FMN2: variants seen among roughly 807,000 people sequenced by gnomAD.
FMN2 encodes formin 2.
Under a neutral mutation model 142.3 loss-of-function variants are expected in FMN2, and 51 were observed. The ratio of observed to expected loss-of-function variants is 0.36; its 90% CI spans 0.29 to 0.45. The LOEUF (loss-of-function observed/expected upper bound fraction) is 0.45, where lower values mean the gene tolerates loss of function less well. Ranked by LOEUF, FMN2 falls within the 20% of genes least tolerant of loss-of-function variation. FMN2 has a pLI of 1.00. For missense variants in FMN2, 1,936 were observed against 2,122.8 expected, an observed-to-expected ratio of 0.91 and a Z score of 1.73; for synonymous variants, 882 against 869.8, an observed-to-expected ratio of 1.01 and a Z score of -0.25.
intron 6 of FMN2, among the ~76,000 whole-genome samples, chr1:240,242,873 C>G (rs955261413): frequency 6.6e-6 from 1 of 152,208 alleles, no homozygotes; most frequent in East Asian, 1.9e-4. Context: ...AATTAGCAAA[C>G]TGTAATTCTG....
intron 2 of FMN2, among the ~76,000 whole-genome samples, chr1:240,160,262 GCTA>G (rs1664225237): frequency 1.3e-5 from 2 of 150,734 alleles, no homozygotes; most frequent in Admixed American, 1.3e-4. Flanking sequence ...GAAAACTATA[GCTA>G]CTATCCCTGA....
intron 2 of FMN2, among the ~76,000 whole-genome samples, chr1:240,166,549 T>C (rs1041499372): frequency 6.6e-6 from 1 of 152,148 alleles, no homozygotes; most frequent in African/African-American, 2.4e-5. Context: ...ATATTTACAA[T>C]ATAAATTTAT....
intron 7 of FMN2, among the ~76,000 whole-genome samples, chr1:240,286,664 A>G (rs756058194): frequency 3.9e-5 from 6 of 152,148 alleles, no homozygotes; most frequent in Non-Finnish European, 7.3e-5. Flanking sequence ...GTGAAACTTC[A>G]GGAGAGAACA....
intron 7 of FMN2, among the ~76,000 whole-genome samples, chr1:240,284,089 TG>T (rs1398839015): frequency 1.3e-5 from 2 of 152,162 alleles, no homozygotes. Context: ...TTAAAAATTT[TG>T]GGCCCTAACA....
chr1:240,153,253 A>T (rs1399233509), intron 2 of FMN2, among the ~76,000 whole-genome samples: 1 of 152,096 alleles, frequency 6.6e-6, no homozygotes, highest in Non-Finnish European at 1.5e-5. Context: ...GGCTGAGTAG[A>T]TGCTAGAGCC....
At chr1:240,227,016 A>G (rs962409719) in intron 6 of FMN2, among the ~76,000 whole-genome samples, 1 of 152,234 alleles carries the variant, frequency 6.6e-6, no homozygotes, top group Non-Finnish European at 1.5e-5. Context: ...GGCAAGGGAA[A>G]GAAATAAATG....
At chr1:240,431,575 C>A (rs1170179220) in intron 15 of FMN2, among the ~76,000 whole-genome samples, 3 of 151,276 alleles carry the variant, frequency 2.0e-5, no homozygotes, top group Non-Finnish European at 4.4e-5. Context: ...ATATCAAATA[C>A]CATTGCGTAT....
At chr1:240,260,676 G>A (rs1302574512) in intron 7 of FMN2, among the ~76,000 whole-genome samples, 1 of 152,200 alleles carries the variant, frequency 6.6e-6, no homozygotes, top group East Asian at 1.9e-4. Flanking sequence ...TGTATAGATT[G>A]TGAAGACTTT....
At chr1:240,323,392 C>T (rs915853623) in intron 8 of FMN2, among the ~76,000 whole-genome samples, 3 of 152,080 alleles carry the variant, frequency 2.0e-5, no homozygotes, top group Non-Finnish European at 2.9e-5. Context: ...GACAGGGTTT[C>T]GCCATGTTGG....
intron 14 of FMN2, among the ~76,000 whole-genome samples, chr1:240,387,327 A>G (rs1361336294): frequency 6.6e-6 from 1 of 152,230 alleles, no homozygotes; most frequent in African/African-American, 2.4e-5. Flanking sequence ...TACCCACAGT[A>G]TGTTTGGAAT....
At chr1:240,344,043 A>G (rs1671825312) in intron 13 of FMN2, among the ~76,000 whole-genome samples, 3 of 152,216 alleles carry the variant, frequency 2.0e-5, no homozygotes, top group Admixed American at 1.3e-4. Context: ...ATACTTTATA[A>G]GGAATTTTCA....
At chr1:240,150,355 A>G (rs1428573430) in intron 2 of FMN2, among the ~76,000 whole-genome samples, 3 of 138,792 alleles carry the variant, frequency 2.2e-5, no homozygotes, top group African/African-American at 7.5e-5. Flanking sequence ...CAGAAGGAAA[A>G]TGATTATTGA....
At chr1:240,112,322 G>A (rs910827850) in intron 1 of FMN2, among the ~76,000 whole-genome samples, 1 of 152,030 alleles carries the variant, frequency 6.6e-6, no homozygotes, top group East Asian at 1.9e-4. Flanking sequence ...AGTAGAGACC[G>A]GGTTTCACCC....
At chr1:240,134,038 A>G (rs908692851) in intron 2 of FMN2, among the ~76,000 whole-genome samples, 1 of 152,224 alleles carries the variant, frequency 6.6e-6, no homozygotes, top group Non-Finnish European at 1.5e-5. Flanking sequence ...TTCATGTCTA[A>G]TAATCTCTGG....
chr1:240,455,358 A>G lies in FMN2; in HGVS notation c.5061-17014A>G, dbSNP rs562849045. 2.6e-5 allele frequency among the ~76,000 whole-genome samples: 4 copies of G among 152,270 alleles called. No homozygotes were observed. The East Asian group carries it at 7.7e-4, about 29-fold the overall frequency. On this transcript the variant is annotated intron_variant, in intron 16 of 17. Transcript: ENST00000319653. ...CAAGATCCCCATCTCTACAAAAAAT[A>G]AAATAAAAAGTTAGCTGGGTGTGGT...
chr1:240,216,855 AG>A, intron 6 of FMN2, among the ~76,000 whole-genome samples: 1 of 152,268 alleles, frequency 6.6e-6, no homozygotes, highest in Non-Finnish European at 1.5e-5. Context: ...AGGCTGAGGC[AG>A]GAGAATTGCT....
intron 2 of FMN2, among the ~76,000 whole-genome samples, chr1:240,171,940 A>G (rs973156551): frequency 2.0e-5 from 3 of 152,218 alleles, no homozygotes; most frequent in African/African-American, 7.2e-5. Flanking sequence ...GCAAAAGCCA[A>G]AACAGATCTG....
chr1:240,147,659 T>C lies in FMN2; in HGVS notation c.1782+24314T>C, dbSNP rs146975685. Among the ~76,000 whole-genome samples the C allele has an allele frequency of 2.0e-5, 3 of 152,228 alleles. No individual in the cohort carries two copies. In the East Asian group the frequency reaches 5.8e-4, roughly 29 times the overall value. ...AGGTGTGAGCCATTGCACCTGGCCT[T>C]GATTTTTAAAAACCAAGTCCAATCT... On this transcript the variant is annotated intron_variant, in intron 2 of 17. Coordinates refer to ENST00000319653, the MANE Select transcript of FMN2 (RefSeq NM_020066.5).
At chr1:240,263,327 C>T (rs944716437) in intron 7 of FMN2, among the ~76,000 whole-genome samples, 2 of 152,184 alleles carry the variant, frequency 1.3e-5, no homozygotes, top group African/African-American at 4.8e-5. Flanking sequence ...CTGCTACCCT[C>T]ATAGTCTGCA....
Sources: allele counts gnomAD v4.1 joint callset (sites outside exome capture counted in the v4.1 genomes callset), GRCh38; gene constraint gnomAD v4.1.1; transcripts MANE v1.5; gene names NCBI Gene and HGNC (gene_info 2026-07-23, HGNC 2026-07-21).